GALNT13: variants seen among roughly 807,000 people sequenced by gnomAD.
GALNT13 encodes UDP-GalNAc:polypeptide N-acetylgalactosaminyltransferase 13.
A neutral mutation model predicts 64.2 loss-of-function variants in GALNT13; 28 were observed. That is an observed-to-expected ratio of 0.44 (90% CI 0.32 to 0.60). GALNT13 has a LOEUF of 0.60. GALNT13 is among the 20% of genes least tolerant of loss of function. GALNT13 has a pLI of 0.05. For missense variants in GALNT13, 577 were observed against 669.8 expected (o/e 0.86, Z 1.53); for synonymous variants, 214 against 224.6 (o/e 0.95, Z 0.42).
chr2:153,460,777 G>A, the GALNT13 span, among the ~76,000 whole-genome samples: 1 of 152,036 alleles, frequency 6.6e-6, no homozygotes, highest in Non-Finnish European at 1.5e-5. Context: ...GAGTGGACAT[G>A]GATTGTACAT....
intron 9 of GALNT13, among the ~76,000 whole-genome samples, chr2:154,367,260 C>G (rs1178624983): frequency 6.6e-6 from 1 of 151,962 alleles, no homozygotes; most frequent in Non-Finnish European, 1.5e-5. Context: ...TGTTAAGATC[C>G]CTTATCTATG....
chr2:153,792,440 A>G, the GALNT13 span, among the ~76,000 whole-genome samples: 18 of 152,300 alleles, frequency 1.2e-4, no homozygotes, highest in African/African-American at 4.1e-4. Flanking sequence ...ATGATTTTAC[A>G]TAAGGAACTT....
In GALNT13 at chr2:154,372,315, G is replaced by C. The variant is rs184418451; in HGVS notation, c.1157-23676G>C. Among the ~76,000 whole-genome samples the C allele has an allele frequency of 5.2e-4, 76 of 145,698 alleles. 1 individual carries two copies. Among genetic ancestry groups the C allele is most frequent in the Middle Eastern group, 6.9e-3 (2 of 290 alleles). Reference sequence around the variant, plus strand: ...CAGGGTTGTAATCCAAAGAAGTCAAGACCTCAGCATATGGAAGAATCCTCT... The same window carrying C: ...CAGGGTTGTAATCCAAAGAAGTCAACACCTCAGCATATGGAAGAATCCTCT... On this transcript the variant is annotated intron_variant, in intron 9 of 12. Coordinates refer to ENST00000392825, the MANE Select transcript of GALNT13 (RefSeq NM_052917.4).
chr2:154,047,356 A>G (rs954989115), intron 3 of GALNT13, among the ~76,000 whole-genome samples: 3 of 152,190 alleles, frequency 2.0e-5, no homozygotes, highest in Admixed American at 2.0e-4. Context: ...GATCTTAAGT[A>G]TGATGCTTTT....
chr2:153,654,836 G>C, the GALNT13 span, among the ~76,000 whole-genome samples: 3 of 152,004 alleles, frequency 2.0e-5, no homozygotes, highest in Admixed American at 6.6e-5. Flanking sequence ...GGGAGCAGGT[G>C]ATCTTGGAGC....
chr2:153,798,393 T>C, the GALNT13 span, among the ~76,000 whole-genome samples: 1 of 152,192 alleles, frequency 6.6e-6, no homozygotes, highest in African/African-American at 2.4e-5. Context: ...TATAAGTGAA[T>C]TGAATACTTT....
the GALNT13 span, among the ~76,000 whole-genome samples, chr2:153,270,212 A>C: frequency 1.3e-5 from 2 of 152,192 alleles, no homozygotes; most frequent in South Asian, 4.1e-4. Context: ...TAAATGTTCC[A>C]ACATGCAATA....
chr2:153,929,110 C>T (rs1483803477), intron 2 of GALNT13, among the ~76,000 whole-genome samples: 1 of 152,124 alleles, frequency 6.6e-6, no homozygotes, highest in African/African-American at 2.4e-5. Context: ...ATCTCCCCTC[C>T]TGGATCCTAA....
At chr2:153,091,423 T>C in the GALNT13 span, among the ~76,000 whole-genome samples, 1 of 152,200 alleles carries the variant, frequency 6.6e-6, no homozygotes, top group Non-Finnish European at 1.5e-5. Flanking sequence ...GGATGTGTGT[T>C]CAGAGGCAGG....
chr2:153,306,151 C>T, the GALNT13 span, among the ~76,000 whole-genome samples: 5 of 152,182 alleles, frequency 3.3e-5, no homozygotes, highest in Admixed American at 3.3e-4. Flanking sequence ...TCACTTCCCT[C>T]CTCAAGTCCC....
intron 4 of GALNT13, among the ~76,000 whole-genome samples, chr2:154,237,862 A>G (rs1189246430): frequency 6.6e-6 from 1 of 151,954 alleles, no homozygotes; most frequent in African/African-American, 2.4e-5. Context: ...ACAAAAAGTT[A>G]TTGTCTGAAG....
chr2:153,511,554 G>A, the GALNT13 span, among the ~76,000 whole-genome samples: 1 of 152,180 alleles, frequency 6.6e-6, no homozygotes, highest in African/African-American at 2.4e-5. Context: ...TAGGAAAAAG[G>A]GAAAGTTATT....
At chr2:153,879,423 C>A (rs2105232888) in intron 1 of GALNT13, among the ~76,000 whole-genome samples, 1 of 151,972 alleles carries the variant, frequency 6.6e-6, no homozygotes, top group East Asian at 1.9e-4. Context: ...GCCTCTGTTA[C>A]CCATGCTGGA....
intron 3 of GALNT13, among the ~76,000 whole-genome samples, chr2:154,047,032 A>G (rs1019956912): frequency 2.0e-5 from 3 of 152,114 alleles, no homozygotes; most frequent in Admixed American, 6.6e-5. Flanking sequence ...TTAGTAGCAC[A>G]TATCTTTTCT....
chr2:153,757,321 C>A, the GALNT13 span, among the ~76,000 whole-genome samples: 2 of 152,148 alleles, frequency 1.3e-5, no homozygotes, highest in African/African-American at 4.8e-5. Context: ...CCTCCACACT[C>A]ATATATGTTG....
intron 4 of GALNT13, among the ~76,000 whole-genome samples, chr2:154,232,817 G>A (rs1688989091): frequency 1.3e-5 from 2 of 151,346 alleles, no homozygotes; most frequent in Admixed American, 6.6e-5. Flanking sequence ...CAGATTGCTT[G>A]AGCTCAGGAG....
chr2:153,685,727 G>C, the GALNT13 span, among the ~76,000 whole-genome samples: 1 of 152,034 alleles, frequency 6.6e-6, no homozygotes, highest in South Asian at 2.1e-4. Context: ...ATTTCATCAG[G>C]ATATCGTTGC....
intron 9 of GALNT13, among the ~76,000 whole-genome samples, chr2:154,303,343 G>T (rs982229668): frequency 6.6e-6 from 1 of 152,014 alleles, no homozygotes; most frequent in Non-Finnish European, 1.5e-5. Context: ...TAGAGTGCGG[G>T]AAGGCTGGCC....
chr2:153,617,862 G>T, the GALNT13 span, among the ~76,000 whole-genome samples: 14 of 151,692 alleles, frequency 9.2e-5, no homozygotes, highest in African/African-American at 3.4e-4. Context: ...ATAGTAGCTA[G>T]TAACAATACT....
Sources: allele counts gnomAD v4.1 joint callset (sites outside exome capture counted in the v4.1 genomes callset), GRCh38; gene constraint gnomAD v4.1.1; transcripts MANE v1.5; gene names NCBI Gene and HGNC (gene_info 2026-07-23, HGNC 2026-07-21).